Variants in ATXN1 observed in about 807,000 individuals in gnomAD.
ATXN1 encodes the protein ataxin-1.
In ATXN1, 8 loss-of-function variants were observed where a neutral mutation model predicts 56.4. The observed-to-expected ratio is 0.14, with a 90% confidence interval of 0.08 to 0.26. The LOEUF (loss-of-function observed/expected upper bound fraction) is 0.26, where lower values mean the gene tolerates loss of function less well. ATXN1 is among the 10% of genes least tolerant of loss of function. ATXN1 has a pLI of 1.00. For missense variants in ATXN1, 987 were observed against 1,106.5 expected, an observed-to-expected ratio of 0.89 and a Z score of 1.53; for synonymous variants, 514 against 494.6, an observed-to-expected ratio of 1.04 and a Z score of -0.52.
chr6:16,715,481 C>T (rs944521185), intron 2 of ATXN1, among the ~76,000 whole-genome samples: 1 of 152,172 alleles, frequency 6.6e-6, no homozygotes, highest in Non-Finnish European at 1.5e-5. Flanking sequence ...AAAAATGTTG[C>T]AGACTTCAGG....
intron 6 of ATXN1, among the ~76,000 whole-genome samples, chr6:16,376,898 C>A (rs1270973439): frequency 2.0e-5 from 3 of 152,190 alleles, no homozygotes; most frequent in African/African-American, 7.2e-5. Context: ...TTATTGTATG[C>A]AGAGAGCTGC....
chr6:16,467,823 T>C (rs967713374), intron 6 of ATXN1, among the ~76,000 whole-genome samples: 42 of 152,346 alleles, frequency 2.8e-4, no homozygotes, highest in African/African-American at 1.0e-3. Context: ...TTAACAACCC[T>C]GTCCAAAATT....
At chr6:16,590,283 C>G (rs1762700169) in intron 3 of ATXN1, among the ~76,000 whole-genome samples, 1 of 152,052 alleles carries the variant, frequency 6.6e-6, no homozygotes, top group Admixed American at 6.5e-5. Flanking sequence ...ATGAAATAGA[C>G]TGCAAACAGG....
Position 16,560,340 on chromosome 6 carries a change from G to C in ATXN1, c.-361+25440C>G, listed in dbSNP as rs190879958. Among the ~76,000 whole-genome samples the C allele has an allele frequency of 3.7e-3, 561 of 151,512 alleles. 2 individuals are homozygous for C. The highest frequency in any genetic ancestry group is 0.013 in the African/African-American group (535 of 41,278). On this transcript the variant is annotated intron_variant, in intron 4 of 7. Coordinates refer to ENST00000436367, the MANE Select transcript of ATXN1 (RefSeq NM_001128164.2). ...AGCTACTCGGGAGGCTGAGGCAGGA[G>C]AATCGTTTAAACGGGGAGGCGGAGG...
chr6:16,489,661 G>T (rs1760620339), intron 5 of ATXN1, among the ~76,000 whole-genome samples: 1 of 152,038 alleles, frequency 6.6e-6, no homozygotes, highest in Admixed American at 6.6e-5. Flanking sequence ...CATCAGAAAT[G>T]GCTGGAGAAG....
At chr6:16,366,165 T>C (rs970003582) in intron 6 of ATXN1, among the ~76,000 whole-genome samples, 15 of 152,172 alleles carry the variant, frequency 9.9e-5, no homozygotes, top group African/African-American at 3.1e-4. Flanking sequence ...GGGACCTCTA[T>C]GGCAAGTTTC....
At chr6:16,335,438 C>T (rs1014915939) in intron 6 of ATXN1, among the ~76,000 whole-genome samples, 20 of 152,162 alleles carry the variant, frequency 1.3e-4, no homozygotes, top group Admixed American at 1.0e-3. Context: ...ACCCCTGGGA[C>T]ATGGGATCTT....
intron 4 of ATXN1, among the ~76,000 whole-genome samples, chr6:16,566,053 A>G (rs1022074676): frequency 6.6e-6 from 1 of 152,174 alleles, no homozygotes. Flanking sequence ...CAAAAAAGAG[A>G]GAAAAAGGAT....
At chr6:16,389,346 A>C (rs1758306492) in intron 6 of ATXN1, among the ~76,000 whole-genome samples, 1 of 147,958 alleles carries the variant, frequency 6.8e-6, no homozygotes, top group South Asian at 2.2e-4. Flanking sequence ...CCAAAAAAAA[A>C]GAAAAAAAAA....
At chr6:16,686,860 A>G (rs1758929458) in intron 2 of ATXN1, among the ~76,000 whole-genome samples, 1 of 152,200 alleles carries the variant, frequency 6.6e-6, no homozygotes, top group African/African-American at 2.4e-5. Flanking sequence ...TCTAAGTCCC[A>G]TGAACTTGGA....
At chr6:16,638,539 A>C (rs1763643592) in intron 3 of ATXN1, among the ~76,000 whole-genome samples, 1 of 152,078 alleles carries the variant, frequency 6.6e-6, no homozygotes, top group Admixed American at 6.6e-5. Context: ...AGACGCCTTG[A>C]CGCTGAAGTG....
chr6:16,626,665 C>T (rs978064895), intron 3 of ATXN1, among the ~76,000 whole-genome samples: 1 of 152,094 alleles, frequency 6.6e-6, no homozygotes, highest in Non-Finnish European at 1.5e-5. Flanking sequence ...TGAATTTTTT[C>T]CCCCCACAAC....
At chr6:16,720,149 T>G (rs1759717179) in intron 2 of ATXN1, among the ~76,000 whole-genome samples, 1 of 152,124 alleles carries the variant, frequency 6.6e-6, no homozygotes, top group Admixed American at 6.6e-5. Context: ...GATTCTCATC[T>G]CACCCTTCAC....
intron 6 of ATXN1, among the ~76,000 whole-genome samples, chr6:16,369,874 T>A (rs1762003262): frequency 6.6e-6 from 1 of 152,172 alleles, no homozygotes; most frequent in Admixed American, 6.6e-5. Flanking sequence ...TCACCTGACA[T>A]GAACTATGAA....
chr6:16,547,583 G>C (rs1043503207), intron 4 of ATXN1, among the ~76,000 whole-genome samples: 1 of 152,134 alleles, frequency 6.6e-6, no homozygotes, highest in Non-Finnish European at 1.5e-5. Flanking sequence ...AGTCCTGGAG[G>C]CTAGAAATCC....
At chr6:16,746,393 G>A (rs3806152) in intron 2 of ATXN1, among the ~76,000 whole-genome samples, 9,175 of 152,260 alleles carry the variant, frequency 0.06, 557 homozygotes, top group East Asian at 0.36. Context: ...GAAAGTTGAC[G>A]CAGAAGAGAA....
At chr6:16,740,485 G>A (rs1021006327) in intron 2 of ATXN1, among the ~76,000 whole-genome samples, 2 of 152,094 alleles carry the variant, frequency 1.3e-5, no homozygotes, top group African/African-American at 4.8e-5. Context: ...GGACTTCTCA[G>A]AGCAGATGAC....
intron 5 of ATXN1, among the ~76,000 whole-genome samples, chr6:16,503,561 G>A (rs145095709): frequency 2.3e-4 from 35 of 152,076 alleles, no homozygotes; most frequent in African/African-American, 8.0e-4. Flanking sequence ...ATTCATTTTT[G>A]GCTCACCACG....
intron 5 of ATXN1, among the ~76,000 whole-genome samples, chr6:16,507,719 T>G (rs1193474017): frequency 6.6e-6 from 1 of 152,200 alleles, no homozygotes; most frequent in Non-Finnish European, 1.5e-5. Context: ...TAAAACTACC[T>G]TGATAAATGC....
Sources: gnomAD v4.1 joint callset for allele counts (sites outside exome capture counted in the v4.1 genomes callset) on GRCh38, gnomAD v4.1.1 for gene constraint, MANE v1.5 for transcripts, NCBI Gene and HGNC (gene_info 2026-07-23, HGNC 2026-07-21) for gene names.